Variants in TUSC3 observed in about 807,000 individuals in gnomAD.
The protein encoded by TUSC3 is tumor suppressor candidate 3.
TUSC3 carries 45 observed loss-of-function variants against 44.8 expected under a neutral mutation model. The observed-to-expected ratio is 1.00, with a 90% CI of 0.79 to 1.29. TUSC3 has a LOEUF of 1.29. Among genes scored for constraint, TUSC3 ranks in the 50% most tolerant of loss-of-function variants. TUSC3 has a pLI of 0.00. For missense variants in TUSC3, 519 were observed against 437.9 expected (o/e 1.19, Z -1.65); for synonymous variants, 212 against 152.9 (o/e 1.39, Z -2.85).
At chr8:15,438,245 C>T (rs1159901137) in intron 1 of TUSC3, among the ~76,000 whole-genome samples, 1 of 152,112 alleles carries the variant, frequency 6.6e-6, no homozygotes, top group Non-Finnish European at 1.5e-5. Flanking sequence ...CAGGCATGCG[C>T]CACCACGCCC....
chr8:15,597,582 A>G (rs930992145), intron 1 of TUSC3, among the ~76,000 whole-genome samples: 1 of 152,098 alleles, frequency 6.6e-6, no homozygotes, highest in Admixed American at 6.6e-5. Context: ...TAACATCTAA[A>G]ATACTAACAA....
intron 1 of TUSC3, among the ~76,000 whole-genome samples, chr8:15,566,704 C>T (rs1157256098): frequency 4.0e-5 from 6 of 151,864 alleles, no homozygotes; most frequent in Non-Finnish European, 5.9e-5. Flanking sequence ...ACGACAGCCA[C>T]AACCAACCTC....
upstream of TUSC3, among the ~76,000 whole-genome samples, chr8:15,538,192 C>T (rs187091444): frequency 4.0e-3 from 612 of 152,260 alleles, 12 homozygotes; most frequent in East Asian, 1.2e-3. Flanking sequence ...ATAAGGCAAA[C>T]GTAGCTGTAG....
At chr8:15,790,913 G>A in the TUSC3 span, among the ~76,000 whole-genome samples, 2 of 152,138 alleles carry the variant, frequency 1.3e-5, no homozygotes, top group African/African-American at 4.8e-5. Context: ...AGTAGATACT[G>A]ACCCCATCAA....
At position 15,673,814 on chromosome 8, in the gene TUSC3, A is replaced by G. The variant is rs758745592; in HGVS notation, c.776A>G (p.Lys259Arg). ...ATCCGTGGACCTCCATATGCTCATA[A>G]GAACCCACACAATGGACAAGTGGTA... ...NHIRGPPYAH[K>R]NPHNGQVSYI... Residue 259 changes from lysine (K) to arginine (R), a missense_variant, in exon 6 of 11, where the codon AAG becomes AGG. By Grantham distance (26) the Lys-to-Arg change is conservative (BLOSUM62 2). Transcript: ENST00000503731. The G allele has an allele frequency of 1.3e-5, 21 of 1,612,630 alleles. No individual in the cohort carries two copies. The highest frequency in any genetic ancestry group is 1.6e-5 in the Non-Finnish European group (19 of 1,179,036).
chr8:15,819,778 A>G, the TUSC3 span, among the ~76,000 whole-genome samples: 1 of 152,042 alleles, frequency 6.6e-6, no homozygotes, highest in Non-Finnish European at 1.5e-5. Flanking sequence ...GATGCTCTTC[A>G]AATTCAGAAC....
the TUSC3 span, among the ~76,000 whole-genome samples, chr8:15,828,711 T>C: frequency 6.6e-6 from 1 of 152,224 alleles, no homozygotes; most frequent in African/African-American, 2.4e-5. Flanking sequence ...ATTCGACTTC[T>C]CTGTGATACC....
At chr8:15,433,596 C>T (rs939225301) in intron 1 of TUSC3, among the ~76,000 whole-genome samples, 2 of 151,740 alleles carry the variant, frequency 1.3e-5, no homozygotes, top group Non-Finnish European at 2.9e-5. Context: ...ACACCACCAC[C>T]GCCACCACCA....
At chr8:15,819,503 T>C in the TUSC3 span, among the ~76,000 whole-genome samples, 2,825 of 152,282 alleles carry the variant, frequency 0.019, 50 homozygotes, top group South Asian at 0.064. Flanking sequence ...GACCTCATTT[T>C]TAACTGTCAC....
the TUSC3 span, among the ~76,000 whole-genome samples, chr8:15,827,099 G>A: frequency 2.0e-5 from 3 of 152,052 alleles, no homozygotes; most frequent in African/African-American, 7.2e-5. Flanking sequence ...CTAGTCTCTT[G>A]ACTCCGAAGC....
At chr8:15,524,603 G>A (rs778413991) in intron 2 of TUSC3, among the ~76,000 whole-genome samples, 2 of 152,188 alleles carry the variant, frequency 1.3e-5, no homozygotes, top group Admixed American at 1.3e-4. Flanking sequence ...CGTAATTGGT[G>A]CTTGGATAAT....
intron 8 of TUSC3, among the ~76,000 whole-genome samples, chr8:15,745,208 C>T (rs1424466566): frequency 1.3e-5 from 2 of 151,774 alleles, no homozygotes; most frequent in East Asian, 1.9e-4. Flanking sequence ...ATATATGTAC[C>T]ATGGAATCAA....
At chr8:15,644,671 T>C (rs1165271273) in intron 2 of TUSC3, among the ~76,000 whole-genome samples, 1 of 151,930 alleles carries the variant, frequency 6.6e-6, no homozygotes, top group Non-Finnish European at 1.5e-5. Context: ...ATGCATAGGG[T>C]CTTTGTTATT....
chr8:15,744,138 T>G (rs1585293543), intron 8 of TUSC3, among the ~76,000 whole-genome samples: 1 of 152,214 alleles, frequency 6.6e-6, no homozygotes. Flanking sequence ...TTCCAGGGTC[T>G]TTGCCTTTTC....
At chr8:15,824,199 G>A in the TUSC3 span, among the ~76,000 whole-genome samples, 2 of 152,136 alleles carry the variant, frequency 1.3e-5, no homozygotes, top group Non-Finnish European at 2.9e-5. Context: ...AGAAGTGGAA[G>A]ATATCTTGTT....
At chr8:15,466,230 T>G (rs979838081) in intron 1 of TUSC3, among the ~76,000 whole-genome samples, 6 of 152,166 alleles carry the variant, frequency 3.9e-5, no homozygotes, top group Non-Finnish European at 8.8e-5. Context: ...GCAGACACAT[T>G]TCTTTGGAAC....
intron 6 of TUSC3, among the ~76,000 whole-genome samples, chr8:15,685,728 G>C (rs1585228229): frequency 6.6e-6 from 1 of 152,128 alleles, no homozygotes; most frequent in East Asian, 1.9e-4. Flanking sequence ...ATATATAACA[G>C]ACCTATATGA....
chr8:15,679,231 T>C (rs1808310987), intron 6 of TUSC3, among the ~76,000 whole-genome samples: 1 of 152,150 alleles, frequency 6.6e-6, no homozygotes, highest in Non-Finnish European at 1.5e-5. Flanking sequence ...CAGTGGTGTA[T>C]AAGCATTCCC....
chr8:15,457,591 TAC>T (rs1253299323), intron 1 of TUSC3, among the ~76,000 whole-genome samples: 3 of 150,776 alleles, frequency 2.0e-5, no homozygotes, highest in African/African-American at 7.3e-5. Flanking sequence ...AAAAATGTAT[TAC>T]AGTGTTCATA....
Sources: allele counts gnomAD v4.1 joint callset (sites outside exome capture counted in the v4.1 genomes callset), GRCh38; gene constraint gnomAD v4.1.1; transcripts MANE v1.5; gene names NCBI Gene and HGNC (gene_info 2026-07-23, HGNC 2026-07-21).